Variants in KCNMB2 observed in about 807,000 individuals in gnomAD.
The protein encoded by KCNMB2 is calcium-activated potassium channel subunit beta-2.
A neutral mutation model predicts 24.5 loss-of-function variants in KCNMB2; 9 were observed. That is an observed-to-expected ratio of 0.37 (90% confidence interval 0.22 to 0.64). The LOEUF (loss-of-function observed/expected upper bound fraction) is 0.64. KCNMB2 is among the 30% of genes least tolerant of loss of function. The probability of loss-of-function intolerance (pLI) is 0.63; values close to 1 mark genes in which losing one functional copy is unlikely to be tolerated. For synonymous variants in KCNMB2, 109 were observed against 104.4 expected, an observed-to-expected ratio of 1.04 and a Z score of -0.27; for missense variants, 226 against 284.3, an observed-to-expected ratio of 0.79 and a Z score of 1.47.
chr3:178,699,380 C>A (rs1019662000), intron 1 of KCNMB2, among the ~76,000 whole-genome samples: 1 of 152,168 alleles, frequency 6.6e-6, no homozygotes, highest in African/African-American at 2.4e-5. Flanking sequence ...CAAAGTAATG[C>A]AAAACCCACC....
chr3:178,556,490 C>T lies in KCNMB2; in HGVS notation c.-68+19779C>T, dbSNP rs568326769. Reference sequence around the variant, plus strand: ...CACAATCTTGGCTTGCTGCAACCTCCGCCTTCCGGTTTCAAGCAATTCTCC... The same window carrying T: ...CACAATCTTGGCTTGCTGCAACCTCTGCCTTCCGGTTTCAAGCAATTCTCC... On this transcript the variant is annotated intron_variant, in intron 1 of 4. Transcript: ENST00000452583. 8.5e-5 allele frequency among the ~76,000 whole-genome samples: 13 copies of T among 152,228 alleles called. No homozygotes were observed. The East Asian group carries it at 9.7e-4, about 11-fold the overall frequency.
chr3:178,610,561 T>C (rs541799039), intron 1 of KCNMB2, among the ~76,000 whole-genome samples: 5 of 152,250 alleles, frequency 3.3e-5, no homozygotes, highest in Non-Finnish European at 2.9e-5. Context: ...TTGTTCACTG[T>C]TGGCATATAG....
At chr3:178,670,586 C>T (rs1720867544) in intron 1 of KCNMB2, among the ~76,000 whole-genome samples, 1 of 152,094 alleles carries the variant, frequency 6.6e-6, no homozygotes, top group Non-Finnish European at 1.5e-5. Flanking sequence ...GGCTGCACAA[C>T]AGAAGGCCTC....
intron 1 of KCNMB2, among the ~76,000 whole-genome samples, chr3:178,680,057 T>C (rs1037546893): frequency 6.6e-6 from 1 of 151,980 alleles, no homozygotes; most frequent in East Asian, 1.9e-4. Context: ...GGGTTGTTAG[T>C]GGACAACTTT....
At chr3:178,555,926 T>A (rs1309470050) in intron 1 of KCNMB2, among the ~76,000 whole-genome samples, 1 of 152,222 alleles carries the variant, frequency 6.6e-6, no homozygotes, top group East Asian at 1.9e-4. Flanking sequence ...GAAGGCTGCA[T>A]ATTTGATCTG....
rs117374481 is a variant in KCNMB2 at position 178,663,390 on chromosome 3, C to T, written c.-68+126679C>T. Among the ~76,000 whole-genome samples, 86 of 152,074 alleles carry T rather than the reference C, an allele frequency of 5.7e-4. 2 individuals are homozygous for T. In the East Asian group the frequency reaches 0.012, roughly 21 times the overall value. ...AACTGAAGAACTGTAAATTCATATCCCATGCTCTTAACCATGACATCACAC... is the reference window on the plus strand; with the variant it reads ...AACTGAAGAACTGTAAATTCATATCTCATGCTCTTAACCATGACATCACAC... On this transcript the variant is annotated intron_variant, in intron 1 of 4. Coordinates refer to ENST00000452583, the MANE Select transcript of KCNMB2 (RefSeq NM_181361.3).
At chr3:178,729,183 G>A (rs1242732846) in intron 1 of KCNMB2, 2 of 152,202 alleles carry the variant, frequency 1.3e-5, no homozygotes, top group African/African-American at 4.8e-5. Flanking sequence ...GAAAGAAACA[G>A]TTCCTCAGTA....
At chr3:178,559,236 C>T (rs1404527049) in intron 1 of KCNMB2, among the ~76,000 whole-genome samples, 2 of 151,878 alleles carry the variant, frequency 1.3e-5, no homozygotes, top group African/African-American at 2.4e-5. Context: ...GTTTTTTTCA[C>T]AGGGAAGTGA....
At chr3:178,769,930 T>C (rs1003341279) in intron 1 of KCNMB2, among the ~76,000 whole-genome samples, 1 of 152,242 alleles carries the variant, frequency 6.6e-6, no homozygotes, top group Non-Finnish European at 1.5e-5. Flanking sequence ...TAGTCTCTAG[T>C]AAAACTGGCT....
At position 178,775,016 on chromosome 3, in the gene KCNMB2, A is replaced by G. The variant is rs559689807; in HGVS notation, c.-67-32327A>G. On this transcript the variant is annotated intron_variant, in intron 1 of 4. Coordinates refer to ENST00000452583, the MANE Select transcript of KCNMB2 (RefSeq NM_181361.3). ...CATCTTTACACAAATGCAGGTATAG[A>G]TCTGCTATCAGAAACAGATTCACTT... Among the ~76,000 whole-genome samples, 3 of 152,334 alleles carry G rather than the reference A, an allele frequency of 2.0e-5. No homozygotes were observed. The South Asian group carries it at 6.2e-4, about 32-fold the overall frequency.
chr3:178,835,723 G>GTTTC (rs1715203676), intron 4 of KCNMB2, among the ~76,000 whole-genome samples: 1 of 151,018 alleles, frequency 6.6e-6, no homozygotes, highest in Non-Finnish European at 1.5e-5. Context: ...GTTTTTGTTT[G>GTTTC]TTTGTTTGTT....
chr3:178,637,980 C>T (rs1719589362), intron 1 of KCNMB2, among the ~76,000 whole-genome samples: 3 of 152,112 alleles, frequency 2.0e-5, no homozygotes, highest in South Asian at 2.1e-4. Flanking sequence ...TTCAGATTTA[C>T]TAAACTCCTT....
At chr3:178,798,895 G>GA (rs1713662441) in intron 1 of KCNMB2, among the ~76,000 whole-genome samples, 1 of 143,960 alleles carries the variant, frequency 6.9e-6, no homozygotes. Flanking sequence ...TTAAAATTAA[G>GA]AAAAAAAAAG....
At chr3:178,626,536 C>A (rs1316103751) in intron 1 of KCNMB2, among the ~76,000 whole-genome samples, 2 of 152,076 alleles carry the variant, frequency 1.3e-5, no homozygotes, top group Non-Finnish European at 2.9e-5. Flanking sequence ...AGGAAACTTA[C>A]AATAATGGCA....
At chr3:178,759,849 T>C (rs868264022) in intron 1 of KCNMB2, among the ~76,000 whole-genome samples, 5 of 34,542 alleles carry the variant, frequency 1.4e-4, no homozygotes, top group Admixed American at 5.4e-4. Flanking sequence ...TATCTATATA[T>C]ATATATATAT....
intron 1 of KCNMB2, among the ~76,000 whole-genome samples, chr3:178,758,044 AGATATATATATATATC>A (rs1560006470): frequency 0.019 from 135 of 7,154 alleles, 12 homozygotes; most frequent in East Asian, 0.17. Context: ...ATATATATCT[AGATATATATATATATC>A]TCCAAGAGGA....
chr3:178,784,295 T>C (rs1318000817), intron 1 of KCNMB2, among the ~76,000 whole-genome samples: 1 of 152,170 alleles, frequency 6.6e-6, no homozygotes, highest in East Asian at 1.9e-4. Flanking sequence ...GATAAGGACA[T>C]TGAGATTCAG....
intron 1 of KCNMB2, chr3:178,795,252 A>T (rs1472596274): frequency 6.6e-6 from 1 of 152,210 alleles, no homozygotes; most frequent in Non-Finnish European, 1.5e-5. Context: ...GTGGGCTGAC[A>T]GGTGACGCAA....
At chr3:178,810,889 C>T (rs1052628465) in intron 2 of KCNMB2, among the ~76,000 whole-genome samples, 44 of 150,884 alleles carry the variant, frequency 2.9e-4, no homozygotes, top group Admixed American at 4.6e-4. Context: ...CGCCCGCCAC[C>T]ACACCTGGCT....
Sources: allele counts gnomAD v4.1 joint callset (sites outside exome capture counted in the v4.1 genomes callset), GRCh38; gene constraint gnomAD v4.1.1; transcripts MANE v1.5; gene names NCBI Gene and HGNC (gene_info 2026-07-23, HGNC 2026-07-21).